RARB: variants seen among roughly 807,000 people sequenced by gnomAD.
The protein encoded by RARB is retinoic acid receptor beta.
A neutral mutation model predicts 51.9 loss-of-function variants in RARB; 17 were observed. The ratio of observed to expected loss-of-function variants is 0.33; its 90% confidence interval spans 0.22 to 0.49. The LOEUF (loss-of-function observed/expected upper bound fraction) is 0.49, where lower values mean the gene tolerates loss of function less well. Among genes scored for constraint, RARB ranks in the 20% least tolerant of loss-of-function variants. The pLI is 0.99. For missense variants in RARB, 369 were observed against 550.8 expected, an observed-to-expected ratio of 0.67 and a Z score of 3.30; for synonymous variants, 215 against 195.4, an observed-to-expected ratio of 1.10 and a Z score of -0.84.
intron 5 of RARB, among the ~76,000 whole-genome samples, chr3:25,305,990 C>T (rs760549680): frequency 1.3e-5 from 2 of 152,126 alleles, no homozygotes; most frequent in Non-Finnish European, 2.9e-5. Context: ...TCTAATCTGC[C>T]ATATAGAGAG....
intron 2 of RARB, among the ~76,000 whole-genome samples, chr3:25,499,080 T>C (rs114976337): frequency 4.6e-3 from 698 of 152,342 alleles, no homozygotes; most frequent in African/African-American, 0.016. Flanking sequence ...CAGGCACTTA[T>C]AGTTGAACCA....
intron 2 of RARB, among the ~76,000 whole-genome samples, chr3:25,012,235 T>G (rs1263885825): frequency 4.6e-5 from 7 of 152,100 alleles, no homozygotes. Context: ...CAAGCTGATA[T>G]TAATGTTCTA....
chr3:24,841,859 C>T (rs1326955077), intron 1 of RARB, among the ~76,000 whole-genome samples: 1 of 152,074 alleles, frequency 6.6e-6, no homozygotes, highest in African/African-American at 2.4e-5. Flanking sequence ...TTTATTAATG[C>T]TATTTAGTGA....
rs530166286 is a variant in RARB at position 25,536,728 on chromosome 3, C to T, written c.449-33030C>T. On this transcript the variant is annotated intron_variant, in intron 3 of 7. Coordinates refer to ENST00000330688, the MANE Select transcript of RARB (RefSeq NM_000965.5). ...GCTGTGTTGAGCAAATGCAGCTGGG[C>T]GTTTCTGGAAGAAATGTTCTCTCAG... 2.1e-3 allele frequency among the ~76,000 whole-genome samples: 323 copies of T among 152,198 alleles called. 1 individual carries two copies. Among genetic ancestry groups the T allele is most frequent in the Middle Eastern group, 0.014 (4 of 294 alleles).
intron 5 of RARB, among the ~76,000 whole-genome samples, chr3:25,220,775 C>G (rs1264821237): frequency 6.6e-6 from 1 of 152,124 alleles, no homozygotes; most frequent in Non-Finnish European, 1.5e-5. Context: ...TACCCAGTCT[C>G]GGGCAGTTCT....
At chr3:25,058,328 G>C (rs1698481734) in intron 2 of RARB, among the ~76,000 whole-genome samples, 1 of 151,884 alleles carries the variant, frequency 6.6e-6, no homozygotes, top group Non-Finnish European at 1.5e-5. Context: ...TAAACTCCAA[G>C]TGGTGAAATT....
intron 1 of RARB, among the ~76,000 whole-genome samples, chr3:25,429,123 T>C (rs1181596322): frequency 6.6e-6 from 1 of 152,154 alleles, no homozygotes; most frequent in African/African-American, 2.4e-5. Flanking sequence ...CTTACCAACC[T>C]TATAGTCTCT....
At chr3:24,999,682 G>A (rs947087391) in intron 2 of RARB, among the ~76,000 whole-genome samples, 1 of 152,138 alleles carries the variant, frequency 6.6e-6, no homozygotes, top group Non-Finnish European at 1.5e-5. Flanking sequence ...GTGTGCATTA[G>A]CAATACAACT....
At chr3:25,011,780 A>C (rs183185359) in intron 2 of RARB, among the ~76,000 whole-genome samples, 2 of 152,154 alleles carry the variant, frequency 1.3e-5, no homozygotes, top group African/African-American at 2.4e-5. Flanking sequence ...TCCACATAGC[A>C]GACTAGCCCC....
At chr3:25,475,155 G>T (rs955089403) in intron 2 of RARB, among the ~76,000 whole-genome samples, 1 of 152,170 alleles carries the variant, frequency 6.6e-6, no homozygotes, top group Non-Finnish European at 1.5e-5. Flanking sequence ...GACTTTGGTG[G>T]TTTAAGATAC....
intron 3 of RARB, among the ~76,000 whole-genome samples, chr3:25,086,007 C>A (rs9827724): frequency 6.6e-6 from 1 of 152,120 alleles, no homozygotes; most frequent in South Asian, 2.1e-4. Context: ...GACTCAAGCT[C>A]CTTACATCTT....
At chr3:25,026,217 A>G (rs1321652103) in intron 2 of RARB, among the ~76,000 whole-genome samples, 1 of 152,220 alleles carries the variant, frequency 6.6e-6, no homozygotes, top group East Asian at 1.9e-4. Context: ...GAGTTGACCC[A>G]TGTGTAAGGA....
intron 3 of RARB, among the ~76,000 whole-genome samples, chr3:25,561,925 T>C (rs570254267): frequency 3.5e-4 from 54 of 152,330 alleles, no homozygotes; most frequent in African/African-American, 1.2e-3. Context: ...CTCCTGCCCT[T>C]CATCAGATTC....
rs201871748 is a variant in RARB at position 25,580,689 on chromosome 3, T to C, written c.753T>C (p.Ile251=). ...CTGGCTTGACCATCGCAGACCAAATTACCCTGCTGAAGGCCGCCTGCCTGG... is the reference window on the plus strand; with the variant it reads ...CTGGCTTGACCATCGCAGACCAAATCACCCTGCTGAAGGCCGCCTGCCTGG... ...GFTGLTIADQ[I]TLLKAACLDI... Residue 251 remains isoleucine, a synonymous_variant, in exon 5 of 8, where the codon ATT becomes ATC. Transcript: ENST00000330688. 1.4e-5 allele frequency: 22 copies of C among 1,608,814 alleles called. No homozygotes were observed. The African/African-American group carries it at 2.5e-4, about 19-fold the overall frequency.
At chr3:24,853,251 A>C (rs1224888167) in intron 1 of RARB, among the ~76,000 whole-genome samples, 1 of 151,924 alleles carries the variant, frequency 6.6e-6, no homozygotes, top group Admixed American at 6.6e-5. Flanking sequence ...CGGGAGGCGG[A>C]GCTTGCAGTG....
At chr3:25,532,674 G>T (rs994571607) in intron 3 of RARB, among the ~76,000 whole-genome samples, 1 of 152,178 alleles carries the variant, frequency 6.6e-6, no homozygotes, top group African/African-American at 2.4e-5. Flanking sequence ...CCAGGAAGAG[G>T]AGCTAAATAT....
intron 5 of RARB, among the ~76,000 whole-genome samples, chr3:25,247,297 A>G (rs779997521): frequency 1.2e-4 from 19 of 152,148 alleles, no homozygotes; most frequent in Non-Finnish European, 1.8e-4. Flanking sequence ...CACTAGTATC[A>G]CTGTCTTCAG....
At position 24,847,020 on chromosome 3, in the gene RARB, A is replaced by C. The variant is rs1157100221; in HGVS notation, c.-458-11654A>C. On this transcript the variant is annotated intron_variant, in intron 1 of 11. Coordinates refer to the RARB transcript ENST00000383772. ...CTTCTGAAAGGTTACTGTGCAAGCA[A>C]ATCACCAGGAGATCTTGGTAAAATA... Among the ~76,000 whole-genome samples, 12 of 152,306 alleles carry C rather than the reference A, an allele frequency of 7.9e-5. No individual in the cohort carries two copies. In the South Asian group the frequency reaches 2.5e-3, roughly 32 times the overall value.
intron 2 of RARB, among the ~76,000 whole-genome samples, chr3:24,880,056 T>C (rs564060540): frequency 6.6e-6 from 1 of 152,058 alleles, no homozygotes; most frequent in Non-Finnish European, 1.5e-5. Context: ...ACGTTCCTGG[T>C]TTTTGATACA....
Sources: allele counts gnomAD v4.1 joint callset (sites outside exome capture counted in the v4.1 genomes callset), GRCh38; gene constraint gnomAD v4.1.1; transcripts MANE v1.5; gene names NCBI Gene and HGNC (gene_info 2026-07-23, HGNC 2026-07-21).